SLC35F5: variants seen among roughly 807,000 people sequenced by gnomAD.
SLC35F5 encodes HCV NS5A-transactivated protein 3.
In SLC35F5, 54 loss-of-function variants were observed where a neutral mutation model predicts 68.6. The observed-to-expected ratio is 0.79, with a 90% CI of 0.63 to 0.99. The LOEUF (loss-of-function observed/expected upper bound fraction) is 0.99, where lower values mean the gene tolerates loss of function less well. Among genes scored for constraint, SLC35F5 ranks in the 50% least tolerant of loss-of-function variants. The pLI, the probability that SLC35F5 is intolerant of heterozygous loss-of-function variation, is 0.00. For missense variants in SLC35F5, 567 were observed against 626.9 expected (o/e 0.90, Z 1.02); for synonymous variants, 211 against 205.2 (o/e 1.03, Z -0.24).
chr2:113,713,545 AAAG>A lies in SLC35F5; in HGVS notation c.*1670_*1672del, dbSNP rs774243400. 2 of 152,218 alleles carry A rather than the reference AAAG, an allele frequency of 1.3e-5. No homozygotes were observed. Among genetic ancestry groups the A allele is most frequent in the Non-Finnish European group, 2.9e-5 (2 of 68,032 alleles). The allele number at this position is 152,218 out of a possible 1,614,324, so 9.4% of individuals were successfully genotyped here. A position where few individuals can be genotyped will look rare whatever the true frequency, so the allele number is the denominator to read the frequency against. ...GTATCTAGATTATAAACTTCAACCA[AAAG>A]TAGTCCTTGAGTAATTAAAATGTTA... On this transcript the variant is annotated 3_prime_UTR_variant, in exon 16 of 16. Coordinates refer to ENST00000245680, the MANE Select transcript of SLC35F5 (RefSeq NM_025181.5).
At chr2:113,703,413 G>A (rs1163389985), downstream of SLC35F5, among the ~76,000 whole-genome samples, 1 of 152,128 alleles carries the variant, frequency 6.6e-6, no homozygotes, top group Admixed American at 6.5e-5. Context: ...ATGATTAAAA[G>A]CCAACAAAAT....
intron 7 of SLC35F5, 138 bp downstream of exon 7, chr2:113,742,554 C>A (rs13004622): frequency 0.5 from 394,535 of 785,306 alleles, 103,611 homozygotes; most frequent in Middle Eastern, 0.61. Flanking sequence ...AACTTCCTAC[C>A]GGTATCAAAT....
rs763840027 is a variant in SLC35F5 at position 113,713,499 on chromosome 2, C to G, written c.*1719G>C. On this transcript the variant is annotated 3_prime_UTR_variant, in exon 16 of 16. Transcript: ENST00000245680. ...CTGAAGGTCTTTGTGAACTGTCGAA[C>G]AGCAAAAACAAAAAGTAGAGGTATC... 6.6e-6 allele frequency: 1 copy of G among 151,956 alleles called. No homozygotes were observed. The highest frequency in any genetic ancestry group is 1.5e-5 in the Non-Finnish European group (1 of 67,948). 9.4% of individuals were successfully genotyped at this position (151,956 alleles called of 1,614,324 possible).
intron 7 of SLC35F5, among the ~76,000 whole-genome samples, chr2:113,736,803 C>A (rs1405294301): frequency 6.6e-6 from 1 of 152,122 alleles, no homozygotes; most frequent in Non-Finnish European, 1.5e-5. Context: ...TTAAAAAATT[C>A]TTTCTTCTCT....
chr2:113,725,552 A>G lies in SLC35F5; in HGVS notation c.1091-15T>C. On this transcript the variant is annotated splice_polypyrimidine_tract_variant and intron_variant, in intron 11 of 15. Transcript: ENST00000245680. ...ACCTACAAAACCTGAACATGTATAA[A>G]AGAGACAAGAGTTAAAATTGATTTA... 2 of 1,553,856 alleles carry G rather than the reference A, an allele frequency of 1.3e-6. No individual in the cohort carries two copies. Among genetic ancestry groups the G allele is most frequent in the East Asian group, 2.3e-5 (1 of 43,778 alleles).
Position 113,732,956 on chromosome 2 carries a change from T to C in SLC35F5, c.921-1308A>G, listed in dbSNP as rs535401107. Among the ~76,000 whole-genome samples, 14 of 152,324 alleles carry C rather than the reference T, an allele frequency of 9.2e-5. No individual in the cohort carries two copies. In the East Asian group the frequency reaches 1.9e-3, roughly 21 times the overall value. On this transcript the variant is annotated intron_variant, in intron 9 of 15. Coordinates refer to ENST00000245680, the MANE Select transcript of SLC35F5 (RefSeq NM_025181.5). Reference sequence around the variant, plus strand: ...CACTCTTGTCTCTCAATTGATGAAATGAGATTTCTTTGCTTAGATTCCCTT... The same window carrying C: ...CACTCTTGTCTCTCAATTGATGAAACGAGATTTCTTTGCTTAGATTCCCTT...
downstream of SLC35F5, chr2:113,705,077 T>C (rs750758701): frequency 9.9e-5 from 15 of 152,230 alleles, no homozygotes; most frequent in Non-Finnish European, 1.5e-4. Context: ...ATGTGAATTT[T>C]GTCAGCAGCC....
chr2:113,711,952 C>T lies in SLC35F5; in HGVS notation c.*3266G>A, dbSNP rs1308497891. On this transcript the variant is annotated 3_prime_UTR_variant, in exon 16 of 16. Coordinates refer to ENST00000245680, the MANE Select transcript of SLC35F5 (RefSeq NM_025181.5). ...CTGAGGATTAGTGCTATGGGTATTA[C>T]CACAGTGCCCTGTGAAAAGACTTGG... is the stretch of plus-strand genomic sequence containing the variant. 6.6e-6 allele frequency among the ~76,000 whole-genome samples: 1 copy of T among 152,182 alleles called. No individual in the cohort carries two copies. The highest frequency in any genetic ancestry group is 1.9e-4 in the East Asian group (1 of 5,198).
downstream of SLC35F5, among the ~76,000 whole-genome samples, chr2:113,704,675 G>A (rs970720568): frequency 7.2e-4 from 110 of 151,864 alleles, no homozygotes; most frequent in Non-Finnish European, 1.4e-3. Flanking sequence ...GCCCGGGGCC[G>A]GCAGGGCCTG....
intron 7 of SLC35F5, among the ~76,000 whole-genome samples, chr2:113,739,838 T>C (rs1028487506): frequency 3.3e-5 from 5 of 152,196 alleles, no homozygotes; most frequent in Non-Finnish European, 4.4e-5. Context: ...CTGGAAACCC[T>C]ACTAATAACA....
In SLC35F5 at chr2:113,714,845, AC is replaced by A. The variant is rs1340945180; in HGVS notation, c.*372del. The A allele has an allele frequency of 6.6e-6, 1 of 152,594 alleles. No homozygotes were observed. The highest frequency in any genetic ancestry group is 1.9e-4 in the East Asian group (1 of 5,194). The allele number at this position is 152,594 out of a possible 1,614,324, so 9.5% of individuals were successfully genotyped here. A position where few individuals can be genotyped will look rare whatever the true frequency, so the allele number is the denominator to read the frequency against. On this transcript the variant is annotated 3_prime_UTR_variant, in exon 16 of 16. Coordinates refer to ENST00000245680, the MANE Select transcript of SLC35F5 (RefSeq NM_025181.5). ...TGAACACTTAAGTGATTTCTTGAAA[AC>A]ATTTTCATAATATATTCCAGCATTT...
downstream of SLC35F5, among the ~76,000 whole-genome samples, chr2:113,704,742 G>A (rs1349395924): frequency 6.6e-6 from 1 of 152,080 alleles, no homozygotes; most frequent in Non-Finnish European, 1.5e-5. Context: ...ACTCGCGCTG[G>A]CCCGCAAGCA....
In SLC35F5 at chr2:113,756,347, G is replaced by C. The variant is rs1676989608; in HGVS notation, c.40+23C>G. 9 of 1,565,618 alleles carry C rather than the reference G, an allele frequency of 5.7e-6. No individual in the cohort carries two copies. In the East Asian group the frequency reaches 1.9e-4, roughly 33 times the overall value. On this transcript the variant is annotated intron_variant, in intron 1 of 15. Coordinates refer to ENST00000245680, the MANE Select transcript of SLC35F5 (RefSeq NM_025181.5). ...TCCCGGTTTGGGCTCCGGTGATGTC[G>C]GGGCCCTTCCCTGCCTGCCTACCTG...
At chr2:113,717,703 T>G in intron 15 of SLC35F5, 50 bp downstream of exon 15, 2 of 1,225,118 alleles carry the variant, frequency 1.6e-6, no homozygotes, top group South Asian at 1.3e-5. Context: ...CCTTTGAATA[T>G]TACACAGATA....
chr2:113,735,126 G>A (rs908964504), intron 8 of SLC35F5, among the ~76,000 whole-genome samples: 2 of 152,090 alleles, frequency 1.3e-5, no homozygotes, highest in Admixed American at 6.6e-5. Context: ...TAGCCAAAGG[G>A]TCTAGAAAAA....
At chr2:113,726,159 A>G (rs1687654931) in intron 11 of SLC35F5, among the ~76,000 whole-genome samples, 1 of 152,274 alleles carries the variant, frequency 6.6e-6, no homozygotes, top group Middle Eastern at 3.4e-3. Context: ...CCAGCTCTAT[A>G]TATCACTCAA....
intron 7 of SLC35F5, among the ~76,000 whole-genome samples, chr2:113,738,071 C>A (rs920079001): frequency 2.6e-5 from 4 of 152,204 alleles, no homozygotes; most frequent in African/African-American, 7.2e-5. Context: ...ATGAGCACAT[C>A]CATCATCATC....
At chr2:113,725,587 T>G in intron 11 of SLC35F5, 50 bp from the exon 12 acceptor site, 1 of 1,479,170 alleles carries the variant, frequency 6.8e-7, no homozygotes, top group Non-Finnish European at 9.0e-7. Flanking sequence ...ATTTCTATTT[T>G]CCAAGCTTAT....
At chr2:113,716,838 C>A (rs1687201239) in intron 15 of SLC35F5, among the ~76,000 whole-genome samples, 1 of 152,110 alleles carries the variant, frequency 6.6e-6, no homozygotes, top group Admixed American at 6.5e-5. Flanking sequence ...AAAAACAGCA[C>A]ACTAAAGAAA....
Sources: allele counts gnomAD v4.1 joint callset (sites outside exome capture counted in the v4.1 genomes callset), GRCh38; gene constraint gnomAD v4.1.1; transcripts MANE v1.5; gene names NCBI Gene and HGNC (gene_info 2026-07-23, HGNC 2026-07-21).